The following XKR6 variants were observed in gnomAD, a reference collection of about 807,000 sequenced individuals.
XKR6 encodes the protein XK related 6.
A neutral mutation model predicts 56.7 loss-of-function variants in XKR6; 22 were observed. The ratio of observed to expected loss-of-function variants is 0.39; its 90% CI spans 0.28 to 0.55. XKR6 has a LOEUF of 0.55. XKR6 is among the 20% of genes least tolerant of loss of function. The probability of loss-of-function intolerance (pLI) is 0.66; values close to 1 mark genes in which losing one functional copy is unlikely to be tolerated. For missense variants in XKR6, 852 were observed against 889.0 expected (o/e 0.96, Z 0.53); for synonymous variants, 524 against 387.8 (o/e 1.35, Z -4.13).
At chr8:11,134,034 C>A (rs1260946872) in intron 1 of XKR6, among the ~76,000 whole-genome samples, 2 of 152,184 alleles carry the variant, frequency 1.3e-5, no homozygotes, top group Non-Finnish European at 2.9e-5. Context: ...TTCAGGCCCA[C>A]AGCCCTGAGC....
At chr8:11,155,648 G>T (rs1327103918) in intron 1 of XKR6, among the ~76,000 whole-genome samples, 3 of 152,168 alleles carry the variant, frequency 2.0e-5, no homozygotes, top group Non-Finnish European at 4.4e-5. Flanking sequence ...CACACAGAGT[G>T]TAACAGGTCC....
At chr8:11,141,558 G>A (rs920304297) in intron 1 of XKR6, among the ~76,000 whole-genome samples, 2 of 152,220 alleles carry the variant, frequency 1.3e-5, no homozygotes, top group African/African-American at 4.8e-5. Context: ...AAACAAGTCA[G>A]ACGCATACTC....
intron 1 of XKR6, among the ~76,000 whole-genome samples, chr8:11,163,113 T>C (rs1801903557): frequency 6.6e-6 from 1 of 152,154 alleles, no homozygotes. Context: ...CCTAAAATTA[T>C]TTTCGAATAA....
chr8:11,101,353 G>A (rs6651507), intron 1 of XKR6, among the ~76,000 whole-genome samples: 1 of 152,134 alleles, frequency 6.6e-6, no homozygotes, highest in African/African-American at 2.4e-5. Context: ...GCCGTGATTG[G>A]ATAACGTACA....
intron 1 of XKR6, among the ~76,000 whole-genome samples, chr8:11,083,449 G>T (rs932360080): frequency 6.6e-6 from 1 of 152,108 alleles, no homozygotes; most frequent in African/African-American, 2.4e-5. Flanking sequence ...ATCGCCCCTG[G>T]GACTTGACAG....
chr8:11,128,660 G>A (rs79656664), intron 1 of XKR6: 258 of 372,670 alleles, frequency 6.9e-4, no homozygotes, highest in African/African-American at 4.9e-3. Context: ...TGTAGAGAAT[G>A]ATACACAAGA....
chr8:11,084,271 G>A (rs981610188), intron 1 of XKR6, among the ~76,000 whole-genome samples: 4 of 152,200 alleles, frequency 2.6e-5, no homozygotes, highest in East Asian at 1.9e-4. Context: ...TGGTCAGAAC[G>A]CCATCTGCGT....
chr8:10,904,097 G>T (rs1300086283), intron 2 of XKR6, among the ~76,000 whole-genome samples: 1 of 152,158 alleles, frequency 6.6e-6, no homozygotes, highest in Non-Finnish European at 1.5e-5. Context: ...ATCACTGACT[G>T]CATTCCGAAG....
rs4840540 is a variant in XKR6 at position 11,072,462 on chromosome 8, A to G, written c.764+128114T>C. Reference sequence around the variant, plus strand: ...GTAAGGTCTGTTGGAGAGGCAGCAGAGCTCCTCTCAACAACCACATTGCAC... The same window carrying G: ...GTAAGGTCTGTTGGAGAGGCAGCAGGGCTCCTCTCAACAACCACATTGCAC... On this transcript the variant is annotated intron_variant, in intron 1 of 2. Coordinates refer to ENST00000416569, the MANE Select transcript of XKR6 (RefSeq NM_173683.4). 1.6e-4 allele frequency among the ~76,000 whole-genome samples: 25 copies of G among 152,218 alleles called. No homozygotes were observed. In the South Asian group the frequency reaches 4.8e-3, roughly 29 times the overall value.
intron 1 of XKR6, among the ~76,000 whole-genome samples, chr8:11,097,695 T>C (rs964386960): frequency 8.0e-5 from 12 of 149,758 alleles, no homozygotes; most frequent in Non-Finnish European, 1.3e-4. Flanking sequence ...TGGTCCCAGC[T>C]ACTTGGGAGG....
chr8:10,918,836 C>T (rs966621938), intron 2 of XKR6, among the ~76,000 whole-genome samples: 4 of 152,202 alleles, frequency 2.6e-5, no homozygotes, highest in African/African-American at 9.7e-5. Context: ...CCTATTGCAT[C>T]CTGTTGGCTC....
At position 11,027,334 on chromosome 8, in the gene XKR6, T is replaced by C. The variant is rs558503833; in HGVS notation, c.765-102504A>G. Among the ~76,000 whole-genome samples, 13 of 152,372 alleles carry C rather than the reference T, an allele frequency of 8.5e-5. No homozygotes were observed. In the South Asian group the frequency reaches 2.3e-3, roughly 27 times the overall value. On this transcript the variant is annotated intron_variant, in intron 1 of 2. Coordinates refer to ENST00000416569, the MANE Select transcript of XKR6 (RefSeq NM_173683.4). ...TATGTATATTGGGTTAAATAAAATA[T>C]GTTATAGAATTAAAATTAATTTCAT... is the stretch of plus-strand genomic sequence containing the variant.
At chr8:11,104,689 A>G (rs1798611004) in intron 1 of XKR6, 1 of 152,232 alleles carries the variant, frequency 6.6e-6, no homozygotes, top group Non-Finnish European at 1.5e-5. Flanking sequence ...TAACCATTGC[A>G]TCAATTTTGG....
At chr8:10,901,677 T>C (rs1800039876) in intron 2 of XKR6, among the ~76,000 whole-genome samples, 1 of 152,210 alleles carries the variant, frequency 6.6e-6, no homozygotes, top group East Asian at 1.9e-4. Context: ...GCTTGATTGT[T>C]GTGTTCCTTC....
chr8:11,057,784 T>G (rs1799723945), intron 1 of XKR6, among the ~76,000 whole-genome samples: 2 of 152,190 alleles, frequency 1.3e-5, no homozygotes, highest in Admixed American at 1.3e-4. Context: ...AGTGGGGCCT[T>G]GGGCCTTTTT....
At chr8:11,197,596 G>C (rs76103688) in intron 1 of XKR6, among the ~76,000 whole-genome samples, 3,451 of 152,298 alleles carry the variant, frequency 0.023, 114 homozygotes, top group African/African-American at 0.079. Flanking sequence ...TACAGACGCT[G>C]TTACATGTTT....
At chr8:11,020,070 C>T (rs1371349162) in intron 1 of XKR6, among the ~76,000 whole-genome samples, 1 of 152,132 alleles carries the variant, frequency 6.6e-6, no homozygotes, top group Non-Finnish European at 1.5e-5. Flanking sequence ...AGATGGTGGC[C>T]TCATCCCCAC....
Position 10,955,829 on chromosome 8 carries a change from T to C in XKR6, c.765-30999A>G, listed in dbSNP as rs542869438. On this transcript the variant is annotated intron_variant, in intron 1 of 2. Transcript: ENST00000416569. ...GGTAGGATGAGATCCAGGCCCACAC[T>C]GGACACTTCCTTTTCCCATGCAGCC... Among the ~76,000 whole-genome samples, 13 of 152,352 alleles carry C rather than the reference T, an allele frequency of 8.5e-5. No homozygotes were observed. The South Asian group carries it at 2.7e-3, about 32-fold the overall frequency.
intron 1 of XKR6, among the ~76,000 whole-genome samples, chr8:11,156,109 C>G (rs749179739): frequency 5.3e-5 from 8 of 152,196 alleles, no homozygotes; most frequent in Non-Finnish European, 8.8e-5. Context: ...AATTCTCTTT[C>G]CACTCTATGC....
Sources: allele counts gnomAD v4.1 joint callset (sites outside exome capture counted in the v4.1 genomes callset), GRCh38; gene constraint gnomAD v4.1.1; transcripts MANE v1.5; gene names NCBI Gene and HGNC (gene_info 2026-07-23, HGNC 2026-07-21).